Variants in DIAPH3 observed in about 807,000 individuals in gnomAD.
DIAPH3 encodes protein diaphanous homolog 3.
A neutral mutation model predicts 144.3 loss-of-function variants in DIAPH3; 117 were observed. That is an observed-to-expected ratio of 0.81 (90% CI 0.70 to 0.95). DIAPH3 has a LOEUF of 0.95. DIAPH3 is among the 40% of genes least tolerant of loss of function. DIAPH3 has a pLI of 0.00. For synonymous variants in DIAPH3, 519 were observed against 488.9 expected (o/e 1.06, Z -0.81); for missense variants, 1,421 against 1,412.7 (o/e 1.01, Z -0.09).
chr13:59,844,165 T>A (rs1434944431), intron 22 of DIAPH3, among the ~76,000 whole-genome samples: 1 of 152,064 alleles, frequency 6.6e-6, no homozygotes. Flanking sequence ...ATTCTATTTC[T>A]ATAGACAATT....
intron 9 of DIAPH3, among the ~76,000 whole-genome samples, chr13:60,001,697 A>C (rs1054467162): frequency 6.6e-6 from 1 of 152,228 alleles, no homozygotes; most frequent in Non-Finnish European, 1.5e-5. Flanking sequence ...TCTCTTCAAA[A>C]ACACCATGAC....
At chr13:59,953,449 A>C (rs1356861477) in intron 17 of DIAPH3, among the ~76,000 whole-genome samples, 2 of 152,192 alleles carry the variant, frequency 1.3e-5, no homozygotes, top group Non-Finnish European at 2.9e-5. Flanking sequence ...ACAGGGGCAG[A>C]ATCCAGGTGG....
chr13:60,002,391 G>A (rs967384391), intron 9 of DIAPH3, among the ~76,000 whole-genome samples: 1 of 152,064 alleles, frequency 6.6e-6, no homozygotes, highest in African/African-American at 2.4e-5. Flanking sequence ...TATGCTCAAG[G>A]TTTCTCTCCT....
At chr13:60,143,354 G>C (rs1356606618) in intron 1 of DIAPH3, among the ~76,000 whole-genome samples, 1 of 152,142 alleles carries the variant, frequency 6.6e-6, no homozygotes, top group Admixed American at 6.5e-5. Context: ...ATCCAGCTCT[G>C]ATACCAATCA....
At chr13:60,091,342 G>T in intron 4 of DIAPH3, among the ~76,000 whole-genome samples, 1 of 152,148 alleles carries the variant, frequency 6.6e-6, no homozygotes, top group East Asian at 1.9e-4. Flanking sequence ...CTAAAATGCT[G>T]CCTGACCTGC....
chr13:60,134,868 T>G (rs2059229561), intron 1 of DIAPH3, among the ~76,000 whole-genome samples: 2 of 152,098 alleles, frequency 1.3e-5, no homozygotes, highest in Non-Finnish European at 2.9e-5. Context: ...AAATAAAATA[T>G]TCCCAAAACC....
chr13:60,107,732 C>G (rs2058460643), intron 3 of DIAPH3, among the ~76,000 whole-genome samples: 1 of 152,170 alleles, frequency 6.6e-6, no homozygotes, highest in Non-Finnish European at 1.5e-5. Context: ...AATAGAACAT[C>G]ACTATTCATA....
At chr13:59,694,320 G>A (rs1221093498) in intron 27 of DIAPH3, among the ~76,000 whole-genome samples, 1 of 152,154 alleles carries the variant, frequency 6.6e-6, no homozygotes, top group African/African-American at 2.4e-5. Context: ...GAGAATAAGT[G>A]TATGAGGTTG....
At chr13:59,913,236 T>C (rs1344442493) in intron 19 of DIAPH3, among the ~76,000 whole-genome samples, 1 of 152,188 alleles carries the variant, frequency 6.6e-6, no homozygotes, top group Non-Finnish European at 1.5e-5. Flanking sequence ...TTTCACTCCA[T>C]TAATTTTACA....
At chr13:59,940,450 T>C (rs1271417709) in intron 17 of DIAPH3, among the ~76,000 whole-genome samples, 1 of 152,154 alleles carries the variant, frequency 6.6e-6, no homozygotes, top group Non-Finnish European at 1.5e-5. Flanking sequence ...AACAGAACAA[T>C]ACTAAACAGA....
rs1871871439 is a variant in DIAPH3 at position 59,992,464 on chromosome 13, G to C, written c.1125+9C>G. 2 of 1,600,252 alleles carry C rather than the reference G, an allele frequency of 1.2e-6. No individual in the cohort carries two copies. ...TTAAATATTAATAAGGAGACTGCAG[G>C]GCACTTACTGGCAATATCTCTTTCA... On this transcript the variant is annotated intron_variant, in intron 10 of 27. Transcript: ENST00000400324.
chr13:59,859,327 C>T (rs564144849), intron 22 of DIAPH3, among the ~76,000 whole-genome samples: 23 of 152,116 alleles, frequency 1.5e-4, no homozygotes, highest in South Asian at 6.2e-4. Context: ...AACCCCAGAA[C>T]GCCCTGCTGA....
chr13:59,973,498 T>C (rs1043205396), intron 15 of DIAPH3, among the ~76,000 whole-genome samples: 2 of 152,060 alleles, frequency 1.3e-5, no homozygotes, highest in African/African-American at 4.8e-5. Context: ...ATGAGAATAA[T>C]TTTCTTGTAG....
chr13:59,975,860 C>T (rs1349331441), intron 14 of DIAPH3, among the ~76,000 whole-genome samples: 1 of 151,870 alleles, frequency 6.6e-6, no homozygotes, highest in African/African-American at 2.4e-5. Flanking sequence ...TACCATTCCC[C>T]ACAACTACTA....
At chr13:59,826,025 A>G (rs1477247256) in intron 24 of DIAPH3, among the ~76,000 whole-genome samples, 4 of 152,138 alleles carry the variant, frequency 2.6e-5, no homozygotes, top group African/African-American at 4.8e-5. Context: ...TTGATGGGAC[A>G]TATCTCAAAA....
chr13:59,692,912 T>C lies in DIAPH3; in HGVS notation c.3320-26066A>G, dbSNP rs916167993. Among the ~76,000 whole-genome samples, 6 of 152,152 alleles carry C rather than the reference T, an allele frequency of 3.9e-5. No homozygotes were observed. The East Asian group carries it at 1.2e-3, about 29-fold the overall frequency. On this transcript the variant is annotated intron_variant, in intron 27 of 27. Coordinates refer to ENST00000400324, the MANE Select transcript of DIAPH3 (RefSeq NM_001042517.2). Reference sequence around the variant, plus strand: ...CCAACTCTTTCTTTAATCACAGAGCTTACATTCTATTGGCAAAGGCAGGCA... The same window carrying C: ...CCAACTCTTTCTTTAATCACAGAGCCTACATTCTATTGGCAAAGGCAGGCA...
chr13:60,163,914 G>A lies in DIAPH3; in HGVS notation c.-148C>T, dbSNP rs546330170. 571 of 1,033,016 alleles carry A rather than the reference G, an allele frequency of 5.5e-4. 1 individual carries two copies. The highest frequency in any genetic ancestry group is 7.1e-4 in the Non-Finnish European group (521 of 732,482). 64.0% of individuals were successfully genotyped at this position (1,033,016 alleles called of 1,614,324 possible). Reference sequence around the variant, plus strand: ...TAGCCCAACCGCTGAAGTCGGGGCCGCAGCCAACACATCTGAAAACTCCCG... The same window carrying A: ...TAGCCCAACCGCTGAAGTCGGGGCCACAGCCAACACATCTGAAAACTCCCG... On this transcript the variant is annotated 5_prime_UTR_variant, in exon 1 of 28. Coordinates refer to ENST00000400324, the MANE Select transcript of DIAPH3 (RefSeq NM_001042517.2).
intron 5 of DIAPH3, among the ~76,000 whole-genome samples, chr13:60,022,905 CTT>C (rs1319472630): frequency 2.6e-5 from 4 of 152,080 alleles, no homozygotes; most frequent in African/African-American, 9.7e-5. Context: ...GACTTTTCCT[CTT>C]TTGCTTGTCA....
At chr13:60,133,035 T>C (rs754968426) in intron 1 of DIAPH3, 46 bp from the exon 2 acceptor site, 1 of 1,412,028 alleles carries the variant, frequency 7.1e-7, no homozygotes, top group South Asian at 1.2e-5. Context: ...TATAACAGCT[T>C]CTTTATTTTA....
Sources: gnomAD v4.1 joint callset for allele counts (sites outside exome capture counted in the v4.1 genomes callset) on GRCh38, gnomAD v4.1.1 for gene constraint, MANE v1.5 for transcripts, NCBI Gene and HGNC (gene_info 2026-07-23, HGNC 2026-07-21) for gene names.